DNAH17: variants seen among roughly 807,000 people sequenced by gnomAD.
DNAH17 encodes the protein axonemal beta dynein heavy chain 17.
DNAH17 carries 376 observed loss-of-function variants against 485.6 expected under a neutral mutation model. The observed-to-expected ratio is 0.77, with a 90% CI of 0.71 to 0.84. DNAH17 has a LOEUF of 0.84. Among genes scored for constraint, DNAH17 ranks in the 40% least tolerant of loss-of-function variants. The pLI is 0.00. For missense variants in DNAH17, 6,370 were observed against 5,839.3 expected (o/e 1.09, Z -2.96); for synonymous variants, 3,031 against 2,405.9 (o/e 1.26, Z -7.60).
In DNAH17 at chr17:78,505,766, G is replaced by A. The variant is rs141855113; in HGVS notation, c.4804-321C>T. On this transcript the variant is annotated intron_variant, in intron 30 of 80. Coordinates refer to ENST00000389840, the MANE Select transcript of DNAH17 (RefSeq NM_173628.4). ...GGCCGAGGCAGGTGGATCACCCGAG[G>A]TCAGGAGTTCGAGACCAGCCTGACC... 5.9e-4 allele frequency among the ~76,000 whole-genome samples: 90 copies of A among 152,182 alleles called. No homozygotes were observed. In the East Asian group the frequency reaches 8.5e-3, roughly 14 times the overall value.
intron 3 of DNAH17, 117 bp from the exon 4 acceptor site, chr17:78,571,899 G>A (rs2092363997): frequency 9.9e-7 from 1 of 1,009,610 alleles, no homozygotes; most frequent in African/African-American, 1.6e-5. Flanking sequence ...AGCACCGTCT[G>A]GTCTCATGTC....
chr17:78,446,824 T>G (rs2087326240), intron 69 of DNAH17, among the ~76,000 whole-genome samples: 1 of 152,028 alleles, frequency 6.6e-6, no homozygotes, highest in African/African-American at 2.4e-5. Flanking sequence ...TTGCATTTTT[T>G]GTAGAGACAG....
chr17:78,451,404 A>C, intron 66 of DNAH17, 65 bp downstream of exon 66: 2 of 1,479,732 alleles, frequency 1.4e-6, no homozygotes, highest in Admixed American at 2.1e-5. Flanking sequence ...GGACCCTCAC[A>C]GTGACCTGGC....
chr17:78,538,280 T>C (rs1247029213), intron 18 of DNAH17, among the ~76,000 whole-genome samples: 1 of 152,028 alleles, frequency 6.6e-6, no homozygotes, highest in East Asian at 1.9e-4. Context: ...CCCTTGGAAG[T>C]CCCCGTTTAC....
Position 78,537,434 on chromosome 17 carries a change from A to G in DNAH17, c.2724T>C (p.Asp908=), listed in dbSNP as rs771047318. 1.9e-5 allele frequency: 31 copies of G among 1,613,328 alleles called. No homozygotes were observed. The Admixed American group carries it at 4.5e-4, about 23-fold the overall frequency. ...CCAGGGTCGGGTTGAAGGTCAGCCCATCCTCGTCCAGCTCCATGCGGATCT... is the reference window on the plus strand; with the variant it reads ...CCAGGGTCGGGTTGAAGGTCAGCCCGTCCTCGTCCAGCTCCATGCGGATCT... The part of the protein sequence containing the change: ...LFEIRMELDE[D]GLTFNPTLEV... Residue 908 remains aspartate, a synonymous_variant, in exon 19 of 81, where the codon GAT becomes GAC. Coordinates refer to ENST00000389840, the MANE Select transcript of DNAH17 (RefSeq NM_173628.4).
chr17:78,504,853 T>TA, intron 31 of DNAH17, among the ~76,000 whole-genome samples: 1 of 150,664 alleles, frequency 6.6e-6, no homozygotes, highest in South Asian at 2.1e-4. Flanking sequence ...AGCAGTCCCT[T>TA]TGGCAAAAGC....
intron 11 of DNAH17, among the ~76,000 whole-genome samples, chr17:78,566,212 C>T (rs766003610): frequency 1.1e-4 from 17 of 152,072 alleles, no homozygotes; most frequent in South Asian, 6.2e-4. Context: ...CCTGCATGGA[C>T]GAAGGCACTC....
chr17:78,466,916 G>A (rs2088495548), intron 55 of DNAH17, 100 bp from the exon 56 acceptor site: 1 of 1,294,172 alleles, frequency 7.7e-7, no homozygotes, highest in Non-Finnish European at 1.0e-6. Context: ...AACGCGCCCT[G>A]CCGGGCTCAG....
intron 79 of DNAH17, among the ~76,000 whole-genome samples, chr17:78,425,868 C>A (rs530526223): frequency 1.3e-5 from 2 of 151,102 alleles, no homozygotes; most frequent in Non-Finnish European, 2.9e-5. Context: ...CGGGTTCAAG[C>A]AATTCTCCTG....
chr17:78,477,225 T>A, intron 51 of DNAH17, among the ~76,000 whole-genome samples: 1 of 152,106 alleles, frequency 6.6e-6, no homozygotes, highest in East Asian at 1.9e-4. Context: ...GTTGACATGC[T>A]AGCGGGGGAG....
intron 54 of DNAH17, 94 bp from the exon 55 acceptor site, chr17:78,468,977 T>C: frequency 1.4e-6 from 2 of 1,454,046 alleles, no homozygotes. Flanking sequence ...GGCCATTTTT[T>C]CTTTGAGACG....
At chr17:78,460,502 A>G (rs368918994) in intron 58 of DNAH17, among the ~76,000 whole-genome samples, 1 of 152,260 alleles carries the variant, frequency 6.6e-6, no homozygotes, top group South Asian at 2.1e-4. Flanking sequence ...TCTGAGCTCC[A>G]TAAGAGAGGC....
rs532129201 is a variant in DNAH17, at chr17:78,560,185, C to T, written c.2031+555G>A. On this transcript the variant is annotated intron_variant, in intron 13 of 80. Transcript: ENST00000389840. ...GACTGTCTGGATCACTAATTTATCC[C>T]AAGCACATACATGTAGTAGGTGCTC... 6.4e-4 allele frequency among the ~76,000 whole-genome samples: 97 copies of T among 152,278 alleles called. 1 individual carries two copies. Among genetic ancestry groups the T allele is most frequent in the African/African-American group, 2.3e-3 (97 of 41,548 alleles).
At chr17:78,544,465 T>G (rs2091696555) in intron 16 of DNAH17, among the ~76,000 whole-genome samples, 2 of 151,948 alleles carry the variant, frequency 1.3e-5, no homozygotes, top group South Asian at 4.2e-4. Context: ...GAGAGTAGGG[T>G]CAGGACCCTG....
At chr17:78,519,586 G>C (rs2090882245) in intron 25 of DNAH17, among the ~76,000 whole-genome samples, 1 of 152,168 alleles carries the variant, frequency 6.6e-6, no homozygotes, top group Non-Finnish European at 1.5e-5. Flanking sequence ...ACCAACACTA[G>C]GAATGAAATA....
At chr17:78,478,694 A>G (rs111067580) in intron 51 of DNAH17, among the ~76,000 whole-genome samples, 9 of 139,376 alleles carry the variant, frequency 6.5e-5, no homozygotes, top group South Asian at 4.3e-4. Flanking sequence ...CACAATTATT[A>G]CCATCATTAC....
chr17:78,555,543 CAAAAAAAAAAAAAA>C (rs765954549), intron 14 of DNAH17, among the ~76,000 whole-genome samples: 2 of 77,714 alleles, frequency 2.6e-5, no homozygotes, highest in Non-Finnish European at 4.4e-5. Flanking sequence ...GATTCCGTCA[CAAAAAAAAAAAAAA>C]AAAAAAAAAG....
intron 58 of DNAH17, 120 bp from the exon 59 acceptor site, chr17:78,460,377 T>TGC: frequency 9.0e-6 from 7 of 781,124 alleles, no homozygotes; most frequent in South Asian, 1.9e-5. Context: ...TGCATGAGTG[T>TGC]ATGTGTGCAT....
chr17:78,573,825 G>A (rs377578505), intron 2 of DNAH17, among the ~76,000 whole-genome samples: 72 of 152,206 alleles, frequency 4.7e-4, no homozygotes, highest in African/African-American at 1.7e-3. Flanking sequence ...GTGAGAAAAT[G>A]TCTGGTGTAC....
Sources: allele counts gnomAD v4.1 joint callset (sites outside exome capture counted in the v4.1 genomes callset), GRCh38; gene constraint gnomAD v4.1.1; transcripts MANE v1.5; gene names NCBI Gene and HGNC (gene_info 2026-07-23, HGNC 2026-07-21).